Variants in ZNF892 observed in about 807,000 individuals in gnomAD.
ZNF892 encodes the protein zinc finger protein 892, also known as zinc finger protein 570-like.
At chr2:95,227,015 T>C in the ZNF892 span, among the ~76,000 whole-genome samples, 1 of 152,162 alleles carries the variant, frequency 6.6e-6, no homozygotes, top group Non-Finnish European at 1.5e-5. Context: ...TTAAATGAAT[T>C]ATTTTTCAAG....
At chr2:95,227,064 C>T in the ZNF892 span, among the ~76,000 whole-genome samples, 2 of 151,842 alleles carry the variant, frequency 1.3e-5, no homozygotes, top group Non-Finnish European at 2.9e-5. Flanking sequence ...TTGATATGGC[C>T]CTAGAAAGGA....
the ZNF892 span, chr2:95,207,556 C>T: frequency 2.7e-6 from 1 of 367,030 alleles, no homozygotes; most frequent in Non-Finnish European, 4.8e-6. Flanking sequence ...CTAGGCGTCC[C>T]CGCCGGCTGT....
At chr2:95,224,432 C>T in the ZNF892 span, among the ~76,000 whole-genome samples, 2 of 152,144 alleles carry the variant, frequency 1.3e-5, no homozygotes, top group Non-Finnish European at 2.9e-5. Flanking sequence ...CACGGTTCCA[C>T]AGGCTTTACA....
chr2:95,222,544 A>G, the ZNF892 span, among the ~76,000 whole-genome samples: 1 of 152,204 alleles, frequency 6.6e-6, no homozygotes. Flanking sequence ...GTGGTATCTC[A>G]ATGTGGCTTC....
At chr2:95,262,483 A>T in the ZNF892 span, among the ~76,000 whole-genome samples, 1 of 152,204 alleles carries the variant, frequency 6.6e-6, no homozygotes, top group African/African-American at 2.4e-5. Context: ...TGTGAGTTCA[A>T]GGTCTGGGGA....
At chr2:95,253,099 C>T in the ZNF892 span, among the ~76,000 whole-genome samples, 1 of 152,182 alleles carries the variant, frequency 6.6e-6, no homozygotes, top group Non-Finnish European at 1.5e-5. Context: ...AATTAGATCC[C>T]ATTTGTCAAC....
At chr2:95,232,304 T>A in the ZNF892 span, among the ~76,000 whole-genome samples, 4 of 152,228 alleles carry the variant, frequency 2.6e-5, no homozygotes, top group Non-Finnish European at 5.9e-5. Flanking sequence ...ACATACATGA[T>A]ATCATTTCTG....
chr2:95,259,031 G>A, the ZNF892 span: 2 of 152,308 alleles, frequency 1.3e-5, no homozygotes, highest in Non-Finnish European at 2.9e-5. Context: ...TGGATATGTG[G>A]CGAGGTGCAA....
the ZNF892 span, among the ~76,000 whole-genome samples, chr2:95,239,144 G>GAAAAAA: frequency 7.9e-6 from 1 of 126,074 alleles, no homozygotes; most frequent in Non-Finnish European, 1.6e-5. Flanking sequence ...CGTCTCAAAG[G>GAAAAAA]AAAAAAAAAA....
the ZNF892 span, among the ~76,000 whole-genome samples, chr2:95,254,115 A>G: frequency 1.1e-4 from 17 of 152,240 alleles, no homozygotes; most frequent in Non-Finnish European, 2.1e-4. Context: ...TTCCAACACT[A>G]TGTTGAATAG....
At chr2:95,241,315 C>A in the ZNF892 span, among the ~76,000 whole-genome samples, 1 of 152,202 alleles carries the variant, frequency 6.6e-6, no homozygotes, top group Non-Finnish European at 1.5e-5. Flanking sequence ...TGTTTCATAG[C>A]CTTCACTGGT....
the ZNF892 span, among the ~76,000 whole-genome samples, chr2:95,218,757 G>A: frequency 3.0e-3 from 457 of 152,286 alleles, 3 homozygotes; most frequent in South Asian, 0.022. Context: ...GTCCAACAGC[G>A]TTCAGTTCCT....
chr2:95,213,495 TG>T, the ZNF892 span, among the ~76,000 whole-genome samples: 14 of 152,152 alleles, frequency 9.2e-5, no homozygotes, highest in Admixed American at 2.0e-4. Flanking sequence ...CCCAGGAACT[TG>T]GGGTAGATAT....
chr2:95,221,216 G>A, the ZNF892 span, among the ~76,000 whole-genome samples: 2 of 152,174 alleles, frequency 1.3e-5, no homozygotes, highest in African/African-American at 4.8e-5. Context: ...TATTCATATA[G>A]TCATTTAGAA....
At chr2:95,214,718 A>G in the ZNF892 span, 1 of 422,850 alleles carries the variant, frequency 2.4e-6, no homozygotes, top group Non-Finnish European at 4.3e-6. Flanking sequence ...AATGCGAGAA[A>G]GCCTTCAGTT....
At chr2:95,210,349 G>T in the ZNF892 span, among the ~76,000 whole-genome samples, 5 of 151,852 alleles carry the variant, frequency 3.3e-5, no homozygotes, top group African/African-American at 9.7e-5. Flanking sequence ...CCAAGGGATG[G>T]TTTATTTTAC....
chr2:95,214,852 G>A, the ZNF892 span: 1 of 503,888 alleles, frequency 2.0e-6, no homozygotes, highest in East Asian at 3.1e-5. Flanking sequence ...ATTCATACTG[G>A]GGAGAAACCC....
the ZNF892 span, among the ~76,000 whole-genome samples, chr2:95,256,375 T>TA: frequency 6.6e-6 from 1 of 152,252 alleles, no homozygotes; most frequent in Non-Finnish European, 1.5e-5. Context: ...AAAATTCTTT[T>TA]CTTTAAGAAT....
chr2:95,207,971 T>A, the ZNF892 span: 2 of 397,010 alleles, frequency 5.0e-6, no homozygotes, highest in East Asian at 7.1e-5. Flanking sequence ...ACTTGGGGTT[T>A]TGAGGGATAG....
Sources: gnomAD v4.1 joint callset for allele counts (sites outside exome capture counted in the v4.1 genomes callset) on GRCh38, gnomAD v4.1.1 for gene constraint, MANE v1.5 for transcripts, NCBI Gene and HGNC (gene_info 2026-07-23, HGNC 2026-07-21) for gene names.